Variants in MELTF observed in about 807,000 individuals in gnomAD.
MELTF encodes the protein antigen p97 (melanoma associated) identified by monoclonal antibodies 133.2 and 96.5.
In MELTF, 67 loss-of-function variants were observed where a neutral mutation model predicts 83.7. That is an observed-to-expected ratio of 0.80 (90% confidence interval 0.66 to 0.98). The LOEUF (loss-of-function observed/expected upper bound fraction) is 0.98. Ranked by LOEUF, MELTF falls within the 50% of genes least tolerant of loss-of-function variation. The probability of loss-of-function intolerance (pLI) is 0.00; values close to 1 mark genes in which losing one functional copy is unlikely to be tolerated. For synonymous variants in MELTF, 462 were observed against 447.6 expected, an observed-to-expected ratio of 1.03 and a Z score of -0.41; for missense variants, 1,002 against 1,035.6, an observed-to-expected ratio of 0.97 and a Z score of 0.44.
rs1447380987 is a variant in MELTF, at chr3:197,019,539, A to G, written c.712+1865T>C. On this transcript the variant is annotated intron_variant, in intron 6 of 15. Coordinates refer to ENST00000296350, the MANE Select transcript of MELTF (RefSeq NM_005929.6). The stretch of plus-strand genomic sequence containing the variant: ...GATCAGTTGAGGCTGGGGGTTTGAG[A>G]CCAGCCTGGGCAACATGGTGAGACC... The G allele has an allele frequency of 3.2e-6, 5 of 1,543,040 alleles. No homozygotes were observed. The East Asian group carries it at 1.1e-4, about 35-fold the overall frequency.
chr3:197,012,583 C>T (rs1002591357), intron 9 of MELTF, among the ~76,000 whole-genome samples: 1 of 152,274 alleles, frequency 6.6e-6, no homozygotes, highest in African/African-American at 2.4e-5. Context: ...GAGCAGGCCC[C>T]ACCTACTTGC....
chr3:197,018,275 G>A (rs570734459), intron 6 of MELTF, among the ~76,000 whole-genome samples: 5 of 151,686 alleles, frequency 3.3e-5, no homozygotes, highest in African/African-American at 1.2e-4. Context: ...AGCCTCCCGA[G>A]TAGCTGGGAC....
At chr3:197,026,853 A>C (rs1459196269) in intron 2 of MELTF, 94 bp from the exon 3 acceptor site, 2 of 1,051,076 alleles carry the variant, frequency 1.9e-6, no homozygotes, top group African/African-American at 3.1e-5. Context: ...GCCCCACCCC[A>C]AGCCCCAGAG....
intron 6 of MELTF, among the ~76,000 whole-genome samples, chr3:197,020,700 C>T (rs191467713): frequency 2.0e-5 from 3 of 151,932 alleles, no homozygotes; most frequent in East Asian, 3.9e-4. Context: ...GACAGAGTCT[C>T]GCTCTGTCAC....
chr3:197,023,244 C>T, intron 4 of MELTF, 131 bp from the exon 5 acceptor site: 1 of 945,048 alleles, frequency 1.1e-6, no homozygotes, highest in East Asian at 2.6e-5. Context: ...CAGCTTCAGT[C>T]TGAGCAAAGC....
chr3:197,019,392 T>C, intron 6 of MELTF: 1 of 1,283,454 alleles, frequency 7.8e-7, no homozygotes, highest in Non-Finnish European at 9.9e-7. Flanking sequence ...CTTACCAATC[T>C]TTCTGTATAA....
chr3:197,026,871 C>T, intron 2 of MELTF, 112 bp from the exon 3 acceptor site: 2 of 802,468 alleles, frequency 2.5e-6, no homozygotes, highest in Non-Finnish European at 4.1e-6. Context: ...GAGGGCTGTG[C>T]TGTCCTTCTC....
chr3:197,010,823 C>G, intron 9 of MELTF, 29 bp from the exon 10 acceptor site: 2 of 1,605,682 alleles, frequency 1.2e-6, no homozygotes, highest in South Asian at 2.2e-5. Context: ...GCCACTGGGC[C>G]GGGGTGGGCC....
rs374398718 is a variant in MELTF at position 197,010,882 on chromosome 3, C to T, written c.1234-88G>A. 2.8e-5 allele frequency: 34 copies of T among 1,217,122 alleles called. No individual in the cohort carries two copies. In the African/African-American group the frequency reaches 4.0e-4, roughly 14 times the overall value. 75.4% of individuals were successfully genotyped at this position (1,217,122 alleles called of 1,614,324 possible). A position where few individuals can be genotyped will look rare whatever the true frequency, so the allele number is the denominator to read the frequency against. On this transcript the variant is annotated intron_variant, in intron 9 of 15. Coordinates refer to ENST00000296350, the MANE Select transcript of MELTF (RefSeq NM_005929.6). ...TCCTGTGGAGGTGGCAGGGCCTGGT[C>T]TCTTGGGGTTTGTGGCCTCAGGCTT...
At position 197,006,654 on chromosome 3, in the gene MELTF, C is replaced by T. The variant is rs1718989975; in HGVS notation, c.1833G>A (p.Val611=). 19 of 1,606,016 alleles carry T rather than the reference C, an allele frequency of 1.2e-5. No individual in the cohort carries two copies. Among genetic ancestry groups the T allele is most frequent in the Non-Finnish European group, 1.6e-5 (19 of 1,176,020 alleles). The change falls in exon 14 of 16, where the codon GTG becomes GTA. Residue 611 remains valine, a synonymous_variant. Transcript: ENST00000296350. This position sits in a 1 kb window ranked among gnomAD's most constrained non-coding sequence, Gnocchi z 5.4. The part of the protein sequence containing the change: ...LLCPNGARAE[V]SQFAACNLAQ... Reference sequence around the variant, plus strand: ...CCAGGTTGCAGGCTGCAAACTGGGACACCTCGGCTCGGGCCCCGTTGGGGC... The same window carrying T: ...CCAGGTTGCAGGCTGCAAACTGGGATACCTCGGCTCGGGCCCCGTTGGGGC...
intron 1 of MELTF, 69 bp from the exon 2 acceptor site, chr3:197,027,979 C>T (rs1577951289): frequency 6.7e-7 from 1 of 1,486,424 alleles, no homozygotes; most frequent in East Asian, 2.5e-5. Context: ...TGGAGGGTGG[C>T]TCCAGCAGTT....
intron 6 of MELTF, 118 bp downstream of exon 6, chr3:197,021,286 A>G (rs1225136427): frequency 4.7e-5 from 41 of 879,148 alleles, no homozygotes; most frequent in Non-Finnish European, 6.9e-5. Context: ...TCACCCAGAG[A>G]CTCAGAGCAG....
chr3:197,011,144 C>G lies in MELTF; in HGVS notation c.1234-350G>C, dbSNP rs1359126508. 6.6e-6 allele frequency among the ~76,000 whole-genome samples: 1 copy of G among 152,270 alleles called. No individual in the cohort carries two copies. The highest frequency in any genetic ancestry group is 2.4e-5 in the African/African-American group (1 of 41,476). On this transcript the variant is annotated intron_variant, in intron 9 of 15. Coordinates refer to ENST00000296350, the MANE Select transcript of MELTF (RefSeq NM_005929.6). This position sits in a 1 kb window ranked among gnomAD's most constrained non-coding sequence, Gnocchi z 4.2. ...TCCCTGTGCCCTGCCAGCCCCCAGA[C>G]AGCCGGGCACCGCCTCTCCAGCACC...
At chr3:197,020,085 T>G (rs1326973667) in intron 6 of MELTF, among the ~76,000 whole-genome samples, 2 of 152,178 alleles carry the variant, frequency 1.3e-5, no homozygotes, top group Non-Finnish European at 2.9e-5. Context: ...GCATGTAAAT[T>G]ATATCTCAAT....
intron 14 of MELTF, chr3:197,004,321 C>A: frequency 1.7e-6 from 1 of 575,828 alleles, no homozygotes; most frequent in South Asian, 2.0e-5. Flanking sequence ...CTGGAAGAGG[C>A]GTTCAGAAGC....
chr3:197,023,834 C>CG (rs1362262482), intron 4 of MELTF: 1 of 456,644 alleles, frequency 2.2e-6, no homozygotes, highest in East Asian at 6.9e-5. Flanking sequence ...TCCAGGCTCT[C>CG]GCGGGTTTAC....
At chr3:197,017,617 C>T (rs925603927) in intron 6 of MELTF, among the ~76,000 whole-genome samples, 1 of 152,242 alleles carries the variant, frequency 6.6e-6, no homozygotes, top group Admixed American at 6.5e-5. Context: ...GTGGCTCACG[C>T]CTGTAATCCC....
In MELTF at chr3:197,007,187, G is replaced by C; in HGVS notation, c.1751-451C>G. ...CCCTAAGGGCTGAAGTTCTCAAATG[G>C]AACAGGGTATAGCATCACTTGTGGA... On this transcript the variant is annotated intron_variant, in intron 13 of 15. Coordinates refer to ENST00000296350, the MANE Select transcript of MELTF (RefSeq NM_005929.6). The surrounding 1 kb of genome is among the most constrained non-coding windows in gnomAD (Gnocchi z 4.3). Among the ~76,000 whole-genome samples, 1 of 152,108 alleles carries C rather than the reference G, an allele frequency of 6.6e-6. No individual in the cohort carries two copies. Among genetic ancestry groups the C allele is most frequent in the South Asian group, 2.1e-4 (1 of 4,830 alleles).
Position 197,017,206 on chromosome 3 carries a change from G to C in MELTF, c.797C>G (p.Thr266Ser). 6.2e-7 allele frequency: 1 copy of C among 1,601,672 alleles called. No homozygotes were observed. The highest frequency in any genetic ancestry group is 8.5e-7 in the Non-Finnish European group (1 of 1,175,552). Residue 266 changes from threonine to serine, a missense_variant, in exon 7 of 16, where the codon ACC (threonine) becomes AGC (serine). Transcript: ENST00000296350. ...LCRDGSRADVTEWRQCHLARV... is the reference protein window; with the variant it reads ...LCRDGSRADVSEWRQCHLARV... ...GGCCAGATGGCACTGCCTCCACTCG[G>C]TGACATCGGCCCGGCTACCATCCCG...
Sources: allele counts gnomAD v4.1 joint callset (sites outside exome capture counted in the v4.1 genomes callset), GRCh38; gene constraint gnomAD v4.1.1; non-coding constraint Gnocchi (gnomAD v3.1); transcripts MANE v1.5; gene names NCBI Gene and HGNC (gene_info 2026-07-23, HGNC 2026-07-21).